Variants in TMF1 observed in about 807,000 individuals in gnomAD.
TMF1 encodes TATA element modulatory factor 1, also known as TATA element modulatory factor.
In TMF1, 71 loss-of-function variants were observed where a neutral mutation model predicts 126.5. The observed-to-expected ratio is 0.56, with a 90% CI of 0.46 to 0.68. The LOEUF (loss-of-function observed/expected upper bound fraction) is 0.68, where lower values mean the gene tolerates loss of function less well. Ranked by LOEUF, TMF1 falls within the 30% of genes least tolerant of loss-of-function variation. The probability of loss-of-function intolerance (pLI) is 0.00; values close to 1 mark genes in which losing one functional copy is unlikely to be tolerated. For synonymous variants in TMF1, 461 were observed against 430.5 expected (o/e 1.07, Z -0.88); for missense variants, 1,259 against 1,253.2 (o/e 1.00, Z -0.07).
rs151315406 is a variant in TMF1 at position 69,037,138 on chromosome 3, C to G, written c.2151+1426G>C. Among the ~76,000 whole-genome samples, 625 of 152,200 alleles carry G rather than the reference C, an allele frequency of 4.1e-3. 6 individuals carry two copies. The highest frequency in any genetic ancestry group is 7.3e-3 in the Non-Finnish European group (496 of 68,020). The stretch of plus-strand genomic sequence containing the variant: ...TTTGAATATTTTAATTAATTTCTCC[C>G]AAGAAGATACATAAATGGCCAATAA... On this transcript the variant is annotated intron_variant, in intron 8 of 16. Coordinates refer to ENST00000398559, the MANE Select transcript of TMF1 (RefSeq NM_007114.3).
At position 69,023,166 on chromosome 3, in the gene TMF1, A is replaced by G. The variant is rs963942819; in HGVS notation, c.*11T>C. Reference sequence around the variant, plus strand: ...TTACATTCAGTTTGATGGGAATTCAATTTTCACAAGTTAACTGAGACTTTG... The same window carrying G: ...TTACATTCAGTTTGATGGGAATTCAGTTTTCACAAGTTAACTGAGACTTTG... On this transcript the variant is annotated 3_prime_UTR_variant, in exon 17 of 17. Coordinates refer to ENST00000398559, the MANE Select transcript of TMF1 (RefSeq NM_007114.3). The G allele has an allele frequency of 8.1e-6, 13 of 1,605,368 alleles. No homozygotes were observed. Among genetic ancestry groups the G allele is most frequent in the South Asian group, 7.8e-5 (7 of 90,318 alleles).
rs2091909070 is a variant in TMF1, at chr3:69,048,497, G to C, written c.208C>G (p.Pro70Ala). ...STWGLKSNTEPQSPPIASPKA... is the reference protein window; with the variant it reads ...STWGLKSNTEAQSPPIASPKA... The stretch of plus-strand genomic sequence containing the variant: ...GGAGAGGCTATTGGTGGACTCTGAG[G>C]TTCAGTGTTTGATTTCAACCCCCAG... The change falls in exon 2 of 17, where the codon CCT (proline) becomes GCT (alanine). Residue 70 changes from proline to alanine, a missense_variant. Pro to Ala is a conservative substitution (Grantham distance 27). Transcript: ENST00000398559. The C allele has an allele frequency of 6.2e-7, 1 of 1,613,938 alleles. No individual in the cohort carries two copies.
chr3:69,025,778 C>T (rs543507300), intron 14 of TMF1, 66 bp from the exon 15 acceptor site: 36 of 1,528,890 alleles, frequency 2.4e-5, no homozygotes, highest in East Asian at 9.1e-5. Context: ...TTACCAGGTT[C>T]GAACAAAAAT....
intron 10 of TMF1, among the ~76,000 whole-genome samples, chr3:69,031,382 G>A (rs1559630412): frequency 6.6e-6 from 1 of 151,894 alleles, no homozygotes. Context: ...CTTGACTATG[G>A]TAATGGATAT....
chr3:69,033,741 G>A, intron 9 of TMF1, 37 bp from the exon 10 acceptor site: 1 of 1,537,474 alleles, frequency 6.5e-7, no homozygotes, highest in South Asian at 1.3e-5. Flanking sequence ...ACCAATGACA[G>A]CAATAAAAAC....
intron 2 of TMF1, among the ~76,000 whole-genome samples, chr3:69,046,749 T>C (rs997279490): frequency 1.3e-5 from 2 of 152,158 alleles, no homozygotes; most frequent in Non-Finnish European, 2.9e-5. Flanking sequence ...TCCTTAGACA[T>C]TTCTCTTTCT....
Position 69,027,909 on chromosome 3 carries a change from T to C in TMF1, c.2748A>G (p.Ile916Met), listed in dbSNP as rs1427880144. ...RKKAIFTQET[I>M]KEKERKPFSV... ...AAACAAAATTCAATACCTTTTCTTT[T>C]ATTGTTTCTTGAGTAAAAATGGCTT... is the stretch of plus-strand genomic sequence containing the variant. The change falls in exon 13 of 17, where the codon ATA (isoleucine) becomes ATG (methionine). Residue 916 changes from isoleucine (I) to methionine (M), a missense_variant. By Grantham distance (10) the Ile-to-Met change is conservative. Transcript: ENST00000398559. 1.3e-6 allele frequency: 2 copies of C among 1,547,328 alleles called. No individual in the cohort carries two copies. Among genetic ancestry groups the C allele is most frequent in the East Asian group, 2.2e-5 (1 of 44,468 alleles).
At chr3:69,027,872 A>T in intron 13 of TMF1, 28 bp downstream of exon 13, 1 of 1,276,304 alleles carries the variant, frequency 7.8e-7, no homozygotes, top group Non-Finnish European at 1.1e-6. Flanking sequence ...TGGTTACACC[A>T]CAAACAAACA....
intron 4 of TMF1, 48 bp from the exon 5 acceptor site, chr3:69,042,960 T>A: frequency 7.7e-7 from 1 of 1,305,402 alleles, no homozygotes; most frequent in Non-Finnish European, 1.1e-6. Context: ...ACTTTCACTC[T>A]AAGTACAGTT....
chr3:69,049,643 T>A (rs1575821962), intron 1 of TMF1, among the ~76,000 whole-genome samples: 1 of 152,252 alleles, frequency 6.6e-6, no homozygotes, highest in East Asian at 1.9e-4. Context: ...CTCTTTGACA[T>A]AGAGGTGGTT....
In TMF1 at chr3:69,021,688, T is replaced by G. The variant is rs1029030468; in HGVS notation, c.*1489A>C. On this transcript the variant is annotated 3_prime_UTR_variant, in exon 17 of 17. Transcript: ENST00000398559. The stretch of plus-strand genomic sequence containing the variant: ...ACTAAAAATTAAATAAGAGTTTGTT[T>G]TTTTTTTTTTGAGACGGAGTCTTTC... 3 of 151,720 alleles carry G rather than the reference T, an allele frequency of 2.0e-5. No homozygotes were observed. The highest frequency in any genetic ancestry group is 7.3e-5 in the African/African-American group (3 of 41,326). 9.4% of individuals were successfully genotyped at this position (151,720 alleles called of 1,614,324 possible). A position where few individuals can be genotyped will look rare whatever the true frequency, so the allele number is the denominator to read the frequency against.
chr3:69,031,402 T>C (rs1357234861), intron 10 of TMF1, among the ~76,000 whole-genome samples: 1 of 150,326 alleles, frequency 6.7e-6, no homozygotes, highest in Non-Finnish European at 1.5e-5. Flanking sequence ...TGTGGTATAG[T>C]TGTTTAGAAC....
rs551540062 is a variant in TMF1, at chr3:69,041,088, AATT to A, written c.1685-1398_1685-1396del. ...AAGACATCAGTTCATTCTCTGACAA[AATT>A]ATTAAATTACAAAATAATAACATTC... is the stretch of plus-strand genomic sequence containing the variant. On this transcript the variant is annotated intron_variant, in intron 5 of 16. Transcript: ENST00000398559. Among the ~76,000 whole-genome samples the A allele has an allele frequency of 5.3e-5, 8 of 152,280 alleles. No homozygotes were observed. The South Asian group carries it at 1.7e-3, about 32-fold the overall frequency.
rs868383663 is a variant in TMF1 at position 69,025,856 on chromosome 3, T to G, written c.2859+140A>C. ...AAATCATTCACGTGTTTCCTCTCAC[T>G]AAAATTAGCACTCCTCCACAAGTAT... is the stretch of plus-strand genomic sequence containing the variant. On this transcript the variant is annotated intron_variant, in intron 14 of 16. Coordinates refer to ENST00000398559, the MANE Select transcript of TMF1 (RefSeq NM_007114.3). 5 of 1,156,158 alleles carry G rather than the reference T, an allele frequency of 4.3e-6. No homozygotes were observed. In the African/African-American group the frequency reaches 4.7e-5, roughly 11 times the overall value. The allele number at this position is 1,156,158 out of a possible 1,614,324, so 71.6% of individuals were successfully genotyped here. A position where few individuals can be genotyped will look rare whatever the true frequency, so the allele number is the denominator to read the frequency against.
chr3:69,045,352 G>A (rs2091889869), intron 2 of TMF1, among the ~76,000 whole-genome samples: 1 of 152,108 alleles, frequency 6.6e-6, no homozygotes. Context: ...CAGCTACTCA[G>A]GAGGCTGAGG....
At chr3:69,040,661 T>C (rs1417440465) in intron 5 of TMF1, among the ~76,000 whole-genome samples, 2 of 152,216 alleles carry the variant, frequency 1.3e-5, no homozygotes, top group African/African-American at 4.8e-5. Flanking sequence ...GTGCAGTGGC[T>C]CACGCCTGTA....
At chr3:69,044,322 A>G (rs1392974899) in intron 3 of TMF1, among the ~76,000 whole-genome samples, 170 bp downstream of exon 3, 1 of 152,214 alleles carries the variant, frequency 6.6e-6, no homozygotes, top group African/African-American at 2.4e-5. Context: ...CAAAGGGTAA[A>G]GACAATCAAA....
rs2091884687 is a variant in TMF1 at position 69,044,519 on chromosome 3, A to G, written c.1424T>C (p.Leu475Pro). 2 of 1,597,322 alleles carry G rather than the reference A, an allele frequency of 1.3e-6. No homozygotes were observed. Among genetic ancestry groups the G allele is most frequent in the Non-Finnish European group, 8.5e-7 (1 of 1,174,404 alleles). Residue 475 changes from leucine to proline, a missense_variant, in exon 3 of 17, where the codon CTA (leucine) becomes CCA (proline). Physicochemically the swap from Leu to Pro is moderately conservative, Grantham distance 98. Transcript: ENST00000398559. ...TTTCAGGTTATCAAAAGCTTCTTCTAGAAGTGCTTTTTCCTTACTAAGAGA... is the reference window on the plus strand; with the variant it reads ...TTTCAGGTTATCAAAAGCTTCTTCTGGAAGTGCTTTTTCCTTACTAAGAGA... Reference protein sequence around the residue: ...LLSLSKEKALLEEAFDNLKDE... With the variant: ...LLSLSKEKALPEEAFDNLKDE...
intron 6 of TMF1, among the ~76,000 whole-genome samples, chr3:69,039,293 G>A (rs1480527264): frequency 6.6e-5 from 10 of 152,072 alleles, no homozygotes; most frequent in Non-Finnish European, 1.3e-4. Context: ...GCAGAGACAG[G>A]GTTTCGCCTT....
Sources: allele counts gnomAD v4.1 joint callset (sites outside exome capture counted in the v4.1 genomes callset), GRCh38; gene constraint gnomAD v4.1.1; transcripts MANE v1.5; gene names NCBI Gene and HGNC (gene_info 2026-07-23, HGNC 2026-07-21).